Variants in SLC38A9 observed in about 807,000 individuals in gnomAD.
SLC38A9 encodes neutral amino acid transporter 9.
A neutral mutation model predicts 62.3 loss-of-function variants in SLC38A9; 48 were observed. The ratio of observed to expected loss-of-function variants is 0.77; its 90% CI spans 0.61 to 0.98. SLC38A9 has a LOEUF of 0.98. SLC38A9 is among the 50% of genes least tolerant of loss of function. SLC38A9 has a pLI of 0.00. For synonymous variants in SLC38A9, 204 were observed against 227.7 expected (o/e 0.90, Z 0.94); for missense variants, 541 against 679.8 (o/e 0.80, Z 2.27).
intron 14 of SLC38A9, 103 bp from the exon 15 acceptor site, chr5:55,628,083 C>A: frequency 1.4e-6 from 1 of 708,890 alleles, no homozygotes; most frequent in Non-Finnish European, 2.4e-6. Context: ...TCGTTAAAAT[C>A]AAAATGTCTT....
Position 55,676,569 on chromosome 5 carries a change from C to T in SLC38A9, c.114-3874G>A, listed in dbSNP as rs77930094. 6.5e-3 allele frequency among the ~76,000 whole-genome samples: 993 copies of T among 152,232 alleles called. 13 individuals carry two copies. Among genetic ancestry groups the T allele is most frequent in the African/African-American group, 0.023 (962 of 41,534 alleles). On this transcript the variant is annotated intron_variant, in intron 3 of 15. Coordinates refer to ENST00000396865, the MANE Select transcript of SLC38A9 (RefSeq NM_173514.4). The stretch of plus-strand genomic sequence containing the variant: ...TTTAAAAATAGATTTTAAGTGGACA[C>T]ATCCTTTCAAAATTTAGTAGAGAGA...
intron 14 of SLC38A9, among the ~76,000 whole-genome samples, chr5:55,630,656 A>G (rs1210677365): frequency 1.3e-5 from 2 of 152,000 alleles, no homozygotes; most frequent in Non-Finnish European, 2.9e-5. Flanking sequence ...TTATTTTTTT[A>G]AATTTTGGTG....
intron 11 of SLC38A9, among the ~76,000 whole-genome samples, chr5:55,648,049 G>A (rs970672775): frequency 6.0e-4 from 91 of 152,216 alleles, no homozygotes; most frequent in African/African-American, 2.1e-3. Flanking sequence ...AGACCAGCCT[G>A]GCCAACATGG....
intron 9 of SLC38A9, 54 bp downstream of exon 9, chr5:55,656,661 C>A: frequency 1.6e-6 from 2 of 1,244,460 alleles, no homozygotes; most frequent in South Asian, 1.2e-5. Flanking sequence ...ACCTTAAATC[C>A]TTTTTGGAGC....
At chr5:55,687,776 G>A (rs575690459) in intron 3 of SLC38A9, among the ~76,000 whole-genome samples, 1 of 152,220 alleles carries the variant, frequency 6.6e-6, no homozygotes, top group Non-Finnish European at 1.5e-5. Context: ...TCAGCTCACT[G>A]CAACCTCCGC....
intron 8 of SLC38A9, among the ~76,000 whole-genome samples, chr5:55,663,364 CATT>C (rs1478423067): frequency 2.0e-4 from 30 of 148,982 alleles, no homozygotes; most frequent in African/African-American, 2.2e-4. Context: ...CACAAAAACT[CATT>C]AGTCAGTATA....
chr5:55,654,778 A>G (rs931812562), intron 9 of SLC38A9, among the ~76,000 whole-genome samples: 2 of 152,192 alleles, frequency 1.3e-5, no homozygotes, highest in Non-Finnish European at 2.9e-5. Flanking sequence ...TAAGGTTGCT[A>G]TAAAACATTT....
chr5:55,686,198 C>T (rs761464716), intron 3 of SLC38A9, among the ~76,000 whole-genome samples: 2 of 152,198 alleles, frequency 1.3e-5, no homozygotes, highest in Non-Finnish European at 2.9e-5. Context: ...TGAGGAATCA[C>T]CACACTATCT....
intron 2 of SLC38A9, among the ~76,000 whole-genome samples, chr5:55,704,882 A>G (rs1189871068): frequency 6.6e-6 from 1 of 152,184 alleles, no homozygotes; most frequent in African/African-American, 2.4e-5. Flanking sequence ...ATTCCCTAAG[A>G]TTCATTGGTT....
chr5:55,634,357 G>A (rs1183542674), intron 13 of SLC38A9: 1 of 152,896 alleles, frequency 6.5e-6, no homozygotes, highest in African/African-American at 2.4e-5. Flanking sequence ...TTGAAGTAAA[G>A]ATGACAGAAT....
chr5:55,710,771 A>G (rs1174122666), intron 2 of SLC38A9, among the ~76,000 whole-genome samples: 3 of 151,384 alleles, frequency 2.0e-5, no homozygotes, highest in African/African-American at 4.9e-5. Context: ...ATGTGCCACC[A>G]CACCTGGCTA....
At position 55,666,253 on chromosome 5, in the gene SLC38A9, C is replaced by A. The variant is rs79495246; in HGVS notation, c.527-1390G>T. ...TACATAAGAAAACAAAAAACTAAAA[C>A]CATTTGCTTTTCCATGATAGGATTA... On this transcript the variant is annotated intron_variant, in intron 7 of 15. Coordinates refer to ENST00000396865, the MANE Select transcript of SLC38A9 (RefSeq NM_173514.4). Among the ~76,000 whole-genome samples the A allele has an allele frequency of 1.2e-3, 188 of 152,216 alleles. 2 individuals carry two copies. In the East Asian group the frequency reaches 0.035, roughly 28 times the overall value.
At chr5:55,674,600 C>T (rs1406311713) in intron 3 of SLC38A9, among the ~76,000 whole-genome samples, 1 of 152,170 alleles carries the variant, frequency 6.6e-6, no homozygotes, top group African/African-American at 2.4e-5. Flanking sequence ...CCTTGGACTT[C>T]CCAGTCTCCA....
intron 3 of SLC38A9, among the ~76,000 whole-genome samples, chr5:55,678,155 T>TTTTTG (rs1752458489): frequency 6.7e-6 from 1 of 149,846 alleles, no homozygotes; most frequent in African/African-American, 2.4e-5. Context: ...TTTCTTTTTT[T>TTTTTG]GAGACAGTCT....
intron 3 of SLC38A9, among the ~76,000 whole-genome samples, chr5:55,683,138 A>C (rs1053922047): frequency 2.0e-5 from 3 of 152,226 alleles, no homozygotes; most frequent in African/African-American, 7.2e-5. Flanking sequence ...AATAAATTAC[A>C]TATACTATGT....
chr5:55,700,983 A>G (rs959144103), intron 2 of SLC38A9, among the ~76,000 whole-genome samples: 1 of 152,066 alleles, frequency 6.6e-6, no homozygotes, highest in African/African-American at 2.4e-5. Context: ...ATGCAGTCTT[A>G]TGGTTTTACT....
chr5:55,642,085 A>G (rs567769868), intron 12 of SLC38A9, among the ~76,000 whole-genome samples: 25 of 151,930 alleles, frequency 1.6e-4, no homozygotes, highest in African/African-American at 5.1e-4. Context: ...CACTCTTGTC[A>G]CCCAGGCTGG....
chr5:55,639,197 G>A (rs758702041), intron 12 of SLC38A9, among the ~76,000 whole-genome samples: 5 of 150,946 alleles, frequency 3.3e-5, no homozygotes, highest in African/African-American at 7.3e-5. Flanking sequence ...TGCTTGAACC[G>A]GGAAGGCGGA....
intron 14 of SLC38A9, among the ~76,000 whole-genome samples, 169 bp from the exon 15 acceptor site, chr5:55,628,149 A>G (rs73119724): frequency 0.049 from 7,443 of 152,276 alleles, 311 homozygotes; most frequent in African/African-American, 0.11. Context: ...CAATTGTGGT[A>G]ACGAGAAAGT....
Sources: allele counts gnomAD v4.1 joint callset (sites outside exome capture counted in the v4.1 genomes callset), GRCh38; gene constraint gnomAD v4.1.1; transcripts MANE v1.5; gene names NCBI Gene and HGNC (gene_info 2026-07-23, HGNC 2026-07-21).